The following CFAP65 variants were observed in gnomAD, a reference collection of about 807,000 sequenced individuals.
The protein encoded by CFAP65 is cilia and flagella associated protein 65.
In CFAP65, 155 loss-of-function variants were observed where a neutral mutation model predicts 208.0. The ratio of observed to expected loss-of-function variants is 0.75; its 90% confidence interval spans 0.65 to 0.85. The LOEUF (loss-of-function observed/expected upper bound fraction) is 0.85, where lower values mean the gene tolerates loss of function less well. Ranked by LOEUF, CFAP65 falls within the 40% of genes least tolerant of loss-of-function variation. CFAP65 has a pLI of 0.00. For missense variants in CFAP65, 2,294 were observed against 2,451.3 expected (o/e 0.94, Z 1.36); for synonymous variants, 970 against 986.3 (o/e 0.98, Z 0.31).
At position 219,009,142 on chromosome 2, in the gene CFAP65, G is replaced by T. The variant is rs1427308633; in HGVS notation, c.4579C>A (p.Gln1527Lys). ...TCCTTGTGATACTGCCTCATGAGCT[G>T]CTGCGAGTACAGCTATGGCCCAGGA... ...ADLVCKLYSQQLMRQYHKELQ... is the reference protein window; with the variant it reads ...ADLVCKLYSQKLMRQYHKELQ... Residue 1527 changes from glutamine (Q) to lysine (K), a missense_variant, in exon 29 of 35, where the codon CAG becomes AAG. Physicochemically the swap from Gln to Lys is moderately conservative, Grantham distance 53. This residue lies in a region of CFAP65 where 1,427 missense variants were observed against 1,438.7 expected (regional missense o/e 0.99). Transcript: ENST00000341552. 1.2e-6 allele frequency: 2 copies of T among 1,612,692 alleles called. No individual in the cohort carries two copies. The highest frequency in any genetic ancestry group is 4.5e-5 in the East Asian group (2 of 44,880).
chr2:219,033,706 T>C (rs1270359302), intron 5 of CFAP65: 2 of 152,166 alleles, frequency 1.3e-5, no homozygotes, highest in Non-Finnish European at 2.9e-5. Context: ...TAGTGAAACA[T>C]TGCAGTCCTT....
At chr2:219,040,299 T>C (rs970434831) in intron 2 of CFAP65, among the ~76,000 whole-genome samples, 1 of 152,222 alleles carries the variant, frequency 6.6e-6, no homozygotes, top group Admixed American at 6.5e-5. Flanking sequence ...CTTTAGGAAT[T>C]TATACAGTTC....
At position 219,010,600 on chromosome 2, in the gene CFAP65, G is replaced by A. The variant is rs1946406493; in HGVS notation, c.4254C>T (p.Asn1418=). The change falls in exon 26 of 35, where the codon AAC becomes AAT. Residue 1418 remains asparagine (N), a synonymous_variant. Transcript: ENST00000341552. The part of the protein sequence containing the change: ...HMMGDTAPFH[N]ISSWDNSSIH... Reference sequence around the variant, plus strand: ...TGGAACTGTTGTCCCACGAGGAGATGTTGTGGAATGGGGCTGTGTCCCCCA... The same window carrying A: ...TGGAACTGTTGTCCCACGAGGAGATATTGTGGAATGGGGCTGTGTCCCCCA... The A allele has an allele frequency of 1.2e-6, 2 of 1,611,934 alleles. No homozygotes were observed. The highest frequency in any genetic ancestry group is 1.1e-5 in the South Asian group (1 of 90,868).
At chr2:219,016,113 CT>C (rs1946864798) in intron 21 of CFAP65, among the ~76,000 whole-genome samples, 1 of 152,132 alleles carries the variant, frequency 6.6e-6, no homozygotes, top group Non-Finnish European at 1.5e-5. Flanking sequence ...GAGCTTCTTA[CT>C]TTTTTCCCAT....
At chr2:219,007,840 A>G (rs1161884065) in intron 29 of CFAP65, among the ~76,000 whole-genome samples, 1 of 150,854 alleles carries the variant, frequency 6.6e-6, no homozygotes, top group African/African-American at 2.4e-5. Context: ...TTTGAGACAG[A>G]GTCTCGCTCG....
At position 219,003,453 on chromosome 2, in the gene CFAP65, G is replaced by C. The variant is rs574146665; in HGVS notation, c.5556-181C>G. On this transcript the variant is annotated intron_variant, in intron 33 of 34. Transcript: ENST00000341552. This position sits in a 1 kb window ranked among gnomAD's most constrained non-coding sequence, Gnocchi z 4.4. ...ACGGACGTTCCAAGTGTGGCTAAAA[G>C]ATTCCAAGTTGCCAAATATGCTGCT... Among the ~76,000 whole-genome samples the C allele has an allele frequency of 6.6e-6, 1 of 152,212 alleles. No homozygotes were observed. Among genetic ancestry groups the C allele is most frequent in the African/African-American group, 2.4e-5 (1 of 41,454 alleles).
At position 219,009,159 on chromosome 2, in the gene CFAP65, G is replaced by A. The variant is rs1304205459; in HGVS notation, c.4567-5C>T. ...CATGAGCTGCTGCGAGTACAGCTAT[G>A]GCCCAGGACAGAGAGAGAGAAGGCC... is the stretch of plus-strand genomic sequence containing the variant. On this transcript the variant is annotated splice_polypyrimidine_tract_variant and splice_region_variant and intron_variant, in intron 28 of 34. Transcript: ENST00000341552. The A allele has an allele frequency of 1.9e-6, 3 of 1,611,140 alleles. No individual in the cohort carries two copies. Among genetic ancestry groups the A allele is most frequent in the Non-Finnish European group, 2.5e-6 (3 of 1,178,552 alleles).
At chr2:219,018,591 A>T (rs1947060799) in intron 21 of CFAP65, 2 of 172,810 alleles carry the variant, frequency 1.2e-5, no homozygotes, top group Admixed American at 5.5e-5. Flanking sequence ...TGGACTGGAC[A>T]AATTCAGCTT....
rs556697099 is a variant in CFAP65, at chr2:219,013,039, G to A, written c.3957+220C>T. Among the ~76,000 whole-genome samples, 208 of 152,178 alleles carry A rather than the reference G, an allele frequency of 1.4e-3. 1 individual carries two copies. The highest frequency in any genetic ancestry group is 2.5e-3 in the Non-Finnish European group (167 of 68,016). ...AAAAAAAATCCTCATTTTTTAATTG[G>A]AACTGGGCCTGGCAAAGGGCTTAGC... On this transcript the variant is annotated intron_variant, in intron 24 of 34. Transcript: ENST00000341552.
intron 20 of CFAP65, 54 bp downstream of exon 20, chr2:219,019,452 A>G: frequency 1.4e-6 from 2 of 1,439,912 alleles, no homozygotes; most frequent in African/African-American, 2.8e-5. Context: ...CTCCATGAAC[A>G]TCCCTAGATA....
At position 219,019,563 on chromosome 2, in the gene CFAP65, T is replaced by C; in HGVS notation, c.3416A>G (p.Tyr1139Cys). 1 of 1,613,576 alleles carries C rather than the reference T, an allele frequency of 6.2e-7. No homozygotes were observed. The highest frequency in any genetic ancestry group is 8.5e-7 in the Non-Finnish European group (1 of 1,180,002). The change falls in exon 20 of 35, where the codon TAC becomes TGC. Residue 1139 changes from tyrosine to cysteine, a missense_variant. Coordinates refer to ENST00000341552, the MANE Select transcript of CFAP65 (RefSeq NM_194302.4). Reference protein sequence around the residue: ...RLFSLDLLNSYLERDPTPCEL... With the variant: ...RLFSLDLLNSCLERDPTPCEL... ...ACAGGGGGTGGGGTCACGCTCCAAG[T>C]AACTGTTAAGCAGGTCCAGAGAGAA...
chr2:219,038,727 G>T, intron 3 of CFAP65, 149 bp from the exon 4 acceptor site: 1 of 1,086,656 alleles, frequency 9.2e-7, no homozygotes, highest in Non-Finnish European at 1.4e-6. Context: ...TGAGGAATGA[G>T]GCTGTACACG....
intron 21 of CFAP65, among the ~76,000 whole-genome samples, chr2:219,016,448 C>T (rs1031799227): frequency 1.3e-5 from 2 of 151,980 alleles, no homozygotes; most frequent in South Asian, 2.1e-4. Context: ...GTGTGCACCA[C>T]CACATCTGAC....
At chr2:219,014,923 CGCAACACACACCTGAGGAGAATGCAT>C (rs1946754487) in intron 21 of CFAP65, 1 of 145,074 alleles carries the variant, frequency 6.9e-6, no homozygotes, top group Non-Finnish European at 1.5e-5. Flanking sequence ...CCTGAGAGCA[CGCAACACACACCTGAGGAGAATGCAT>C]GCAACACACA....
rs1478703561 is a variant in CFAP65, at chr2:219,038,737, G to A, written c.153+159C>T. ...CACCATGAGGAATGAGGCTGTACAC[G>A]AGATCCAGGGCTTTGCCTGGGAGCC... On this transcript the variant is annotated intron_variant, in intron 3 of 34. Transcript: ENST00000341552. 22 of 1,104,258 alleles carry A rather than the reference G, an allele frequency of 2.0e-5. No homozygotes were observed. In the Admixed American group the frequency reaches 2.0e-4, roughly 10 times the overall value. The allele number at this position is 1,104,258 out of a possible 1,614,324, so 68.4% of individuals were successfully genotyped here. A position where few individuals can be genotyped will look rare whatever the true frequency, so the allele number is the denominator to read the frequency against.
intron 21 of CFAP65, 64 bp from the exon 22 acceptor site, chr2:219,014,108 T>C: frequency 7.0e-7 from 1 of 1,420,244 alleles, no homozygotes; most frequent in Non-Finnish European, 9.5e-7. Flanking sequence ...GCAGGGGCTC[T>C]GAGACCCTGA....
At chr2:219,008,856 C>G (rs867328991) in intron 29 of CFAP65, among the ~76,000 whole-genome samples, 191 bp downstream of exon 29, 5 of 152,234 alleles carry the variant, frequency 3.3e-5, no homozygotes, top group Non-Finnish European at 7.3e-5. Context: ...GGACAGCCAG[C>G]CTTCTCTACC....
Position 219,019,685 on chromosome 2 carries a change from G to T in CFAP65, c.3294C>A (p.Cys1098Ter), listed in dbSNP as rs1221901646. The change falls in exon 20 of 35, where the codon TGC becomes TGA. Residue 1098 changes from cysteine (C) to a stop codon, truncating the protein, a stop_gained. Transcript: ENST00000341552. LOFTEE classifies it high-confidence loss of function. ...AGGGGTACACGGCCACCAGGGAGAC[G>T]CAGCACAGCTCCTGCTTCTCCCCAG... is the stretch of plus-strand genomic sequence containing the variant. ...NKAGEKQELC[C>*]VSLVAVYPLL... 2 of 1,613,526 alleles carry T rather than the reference G, an allele frequency of 1.2e-6. No homozygotes were observed. Among genetic ancestry groups the T allele is most frequent in the Non-Finnish European group, 1.7e-6 (2 of 1,180,026 alleles).
At chr2:219,006,888 TC>T (rs1946046291) in intron 29 of CFAP65, among the ~76,000 whole-genome samples, 2 of 151,146 alleles carry the variant, frequency 1.3e-5, no homozygotes, top group South Asian at 4.2e-4. Flanking sequence ...CCCATTTTGA[TC>T]CTCTTGCTGC....
Sources: allele counts gnomAD v4.1 joint callset (sites outside exome capture counted in the v4.1 genomes callset), GRCh38; gene constraint gnomAD v4.1.1; regional missense constraint gnomAD v4.1.1; non-coding constraint Gnocchi (gnomAD v3.1); transcripts MANE v1.5; gene names NCBI Gene and HGNC (gene_info 2026-07-23, HGNC 2026-07-21).